Variants in FRMD4A observed in about 807,000 individuals in gnomAD.
FRMD4A encodes the protein FERM domain containing 4A, also known as FERM domain-containing protein 4A.
Under a neutral mutation model 129.1 loss-of-function variants are expected in FRMD4A, and 29 were observed. The ratio of observed to expected loss-of-function variants is 0.22; its 90% confidence interval spans 0.17 to 0.31. The LOEUF is 0.31. FRMD4A is among the 10% of genes least tolerant of loss of function. FRMD4A has a pLI of 1.00. For missense variants in FRMD4A, 1,272 were observed against 1,375.8 expected, an observed-to-expected ratio of 0.92 and a Z score of 1.19; for synonymous variants, 634 against 571.6, an observed-to-expected ratio of 1.11 and a Z score of -1.56.
chr10:13,770,166 G>A (rs1013585476), intron 6 of FRMD4A, among the ~76,000 whole-genome samples: 2 of 151,960 alleles, frequency 1.3e-5, no homozygotes, highest in South Asian at 2.1e-4. Context: ...TCATAATTAC[G>A]CAAATTTGCC....
intron 2 of FRMD4A, among the ~76,000 whole-genome samples, chr10:14,029,306 C>G (rs1169272266): frequency 1.3e-5 from 2 of 152,026 alleles, no homozygotes; most frequent in African/African-American, 4.8e-5. Context: ...AAGCTGGTCT[C>G]TCCTTAGTCC....
At position 14,038,227 on chromosome 10, in the gene FRMD4A, G is replaced by A. The variant is rs569450844; in HGVS notation, c.46-179315C>T. Among the ~76,000 whole-genome samples, 539 of 152,326 alleles carry A rather than the reference G, an allele frequency of 3.5e-3. 2 individuals carry two copies. Among genetic ancestry groups the A allele is most frequent in the Middle Eastern group, 0.014 (4 of 294 alleles). ...AGTCCCAGCTTCTCGGGAGGCTGAG[G>A]CAGGAGAATGGCATGAACCCGGGCG... is the stretch of plus-strand genomic sequence containing the variant. On this transcript the variant is annotated intron_variant, in intron 2 of 24. Coordinates refer to ENST00000357447, the MANE Select transcript of FRMD4A (RefSeq NM_018027.5).
chr10:14,135,002 T>A (rs1024489845), intron 2 of FRMD4A, among the ~76,000 whole-genome samples: 1 of 152,090 alleles, frequency 6.6e-6, no homozygotes, highest in African/African-American at 2.4e-5. Context: ...GAGGGACTAA[T>A]TTTTTTTGAG....
At chr10:13,741,550 G>A (rs1289169612) in intron 9 of FRMD4A, among the ~76,000 whole-genome samples, 3 of 152,200 alleles carry the variant, frequency 2.0e-5, no homozygotes, top group Non-Finnish European at 2.9e-5. Flanking sequence ...GCAGACAGCA[G>A]AGATGACGCA....
chr10:14,319,884 T>C lies in FRMD4A; in HGVS notation c.45+10174A>G, dbSNP rs554218149. Reference sequence around the variant, plus strand: ...CTCAGTCAATAGAAAGCTATTCTTATTCAAATGGTATTTCCCACTCCAGAG... The same window carrying C: ...CTCAGTCAATAGAAAGCTATTCTTACTCAAATGGTATTTCCCACTCCAGAG... On this transcript the variant is annotated intron_variant, in intron 2 of 24. Coordinates refer to ENST00000357447, the MANE Select transcript of FRMD4A (RefSeq NM_018027.5). Among the ~76,000 whole-genome samples the C allele has an allele frequency of 1.3e-4, 20 of 152,288 alleles. No homozygotes were observed. In the South Asian group the frequency reaches 3.9e-3, roughly 30 times the overall value.
chr10:13,747,037 CT>C (rs979013586), intron 9 of FRMD4A, among the ~76,000 whole-genome samples: 8 of 152,142 alleles, frequency 5.3e-5, no homozygotes, highest in African/African-American at 1.4e-4. Flanking sequence ...CCCTGTGGTT[CT>C]CCCACGTCTC....
chr10:13,658,344 A>C (rs1032625069), intron 21 of FRMD4A, among the ~76,000 whole-genome samples: 2 of 152,170 alleles, frequency 1.3e-5, no homozygotes, highest in African/African-American at 4.8e-5. Context: ...TGATGCAAAT[A>C]CTCACCATAC....
chr10:14,117,410 G>C (rs760543325), intron 2 of FRMD4A, among the ~76,000 whole-genome samples: 2 of 152,224 alleles, frequency 1.3e-5, no homozygotes, highest in Non-Finnish European at 2.9e-5. Flanking sequence ...ATTGGGACCA[G>C]TGCCCTCTAC....
rs553870374 is a variant in FRMD4A at position 14,197,626 on chromosome 10, G to A, written c.45+132432C>T. ...TCCGCCCACCTCTGCCTCCCAAAGT[G>A]CTGGGATTACAGGCGTGAGCCACCG... On this transcript the variant is annotated intron_variant, in intron 2 of 24. Transcript: ENST00000357447. Among the ~76,000 whole-genome samples the A allele has an allele frequency of 6.9e-3, 1,058 of 152,336 alleles. 6 individuals are homozygous for A. Among genetic ancestry groups the A allele is most frequent in the Non-Finnish European group, 0.01 (707 of 68,034 alleles).
chr10:13,935,699 T>G (rs1024203977), intron 2 of FRMD4A, among the ~76,000 whole-genome samples: 7 of 152,206 alleles, frequency 4.6e-5, no homozygotes, highest in African/African-American at 7.2e-5. Context: ...ACCTGCGATG[T>G]GCCAGGGCTG....
intron 2 of FRMD4A, among the ~76,000 whole-genome samples, chr10:14,000,444 C>G (rs947090937): frequency 6.6e-6 from 1 of 151,618 alleles, no homozygotes; most frequent in Admixed American, 6.6e-5. Flanking sequence ...GTCAGGAGTT[C>G]AAGACCAGCC....
chr10:14,138,902 AGCC>A (rs1330232742), intron 2 of FRMD4A, among the ~76,000 whole-genome samples: 1 of 152,206 alleles, frequency 6.6e-6, no homozygotes, highest in Non-Finnish European at 1.5e-5. Flanking sequence ...GTTTGTAGAT[AGCC>A]ATTGTCCTTG....
chr10:13,687,827 C>T (rs1313039205), intron 15 of FRMD4A, among the ~76,000 whole-genome samples: 1 of 152,168 alleles, frequency 6.6e-6, no homozygotes, highest in Admixed American at 6.5e-5. Context: ...ACGCGGGTTC[C>T]ACGACTTTCC....
At chr10:13,861,876 G>A (rs1012790977) in intron 2 of FRMD4A, among the ~76,000 whole-genome samples, 4 of 152,160 alleles carry the variant, frequency 2.6e-5, no homozygotes, top group Non-Finnish European at 4.4e-5. Flanking sequence ...TAAAATAGCT[G>A]CTGCTTTACC....
chr10:13,746,727 T>A (rs768153868), intron 9 of FRMD4A, among the ~76,000 whole-genome samples: 3 of 152,224 alleles, frequency 2.0e-5, no homozygotes, highest in African/African-American at 7.2e-5. Context: ...GGAGTTGCAA[T>A]GATTTCTGTT....
chr10:13,861,182 T>C (rs1037712360), intron 2 of FRMD4A, among the ~76,000 whole-genome samples: 1 of 152,210 alleles, frequency 6.6e-6, no homozygotes, highest in Non-Finnish European at 1.5e-5. Context: ...CCAGGAGTTA[T>C]GGACTGGATT....
intron 2 of FRMD4A, among the ~76,000 whole-genome samples, chr10:14,171,782 A>G (rs932982105): frequency 1.3e-5 from 2 of 152,186 alleles, no homozygotes; most frequent in Non-Finnish European, 2.9e-5. Flanking sequence ...TAACCATAAC[A>G]TGCCAAAATT....
chr10:13,855,501 C>A (rs1026700684), intron 3 of FRMD4A, among the ~76,000 whole-genome samples: 1 of 152,184 alleles, frequency 6.6e-6, no homozygotes, highest in Non-Finnish European at 1.5e-5. Flanking sequence ...TGCTCTAAAC[C>A]TGACTCTCCA....
chr10:14,018,168 T>C (rs2095704985), intron 2 of FRMD4A, among the ~76,000 whole-genome samples: 1 of 151,782 alleles, frequency 6.6e-6, no homozygotes, highest in African/African-American at 2.4e-5. Context: ...TTAAGGCAGC[T>C]GGGTGCAGTG....
Sources: gnomAD v4.1 joint callset for allele counts (sites outside exome capture counted in the v4.1 genomes callset) on GRCh38, gnomAD v4.1.1 for gene constraint, MANE v1.5 for transcripts, NCBI Gene and HGNC (gene_info 2026-07-23, HGNC 2026-07-21) for gene names.